AMELY: variants seen among roughly 807,000 people sequenced by gnomAD.
The protein encoded by AMELY is amelogenin Y-linked.
AMELY carries 4 observed loss-of-function variants against 4.2 expected under a neutral mutation model. That is an observed-to-expected ratio of 0.96 (90% confidence interval 0.47 to 2.19). The LOEUF (loss-of-function observed/expected upper bound fraction) is 2.19. Among genes scored for constraint, AMELY ranks in the 30% most tolerant of loss-of-function variants. The pLI is 0.02. For synonymous variants in AMELY, 11 were observed against 14.7 expected, an observed-to-expected ratio of 0.75 and a Z score of 0.57; for missense variants, 32 against 41.5, an observed-to-expected ratio of 0.77 and a Z score of 0.63.
intron 1 of AMELY, among the ~76,000 whole-genome samples, chrY:6,883,407 C>T: frequency 9.5e-5 from 3 of 31,693 alleles, no homozygotes; most frequent in Middle Eastern, 0.014. Context: ...AAACACAGGA[C>T]ACAGGGAGGG....
At chrY:6,888,561 C>T (rs2054081334) in intron 1 of AMELY, among the ~76,000 whole-genome samples, 1 of 32,474 alleles carries the variant, frequency 3.1e-5, no homozygotes, top group Non-Finnish European at 7.5e-5. Context: ...AATTAAAACT[C>T]GATGGAAATA....
At chrY:6,887,306 C>T (rs2124083343) in intron 1 of AMELY, among the ~76,000 whole-genome samples, 1 of 33,064 alleles carries the variant, frequency 3.0e-5, no homozygotes, top group Non-Finnish European at 7.4e-5. Context: ...CATAATATTG[C>T]ATTTTTTGCT....
At chrY:6,880,333 A>T in intron 1 of AMELY, among the ~76,000 whole-genome samples, 1 of 33,490 alleles carries the variant, frequency 3.0e-5, no homozygotes, top group Non-Finnish European at 7.4e-5. Context: ...ACTACCACAA[A>T]AACACACTTA....
At chrY:6,883,367 T>G in intron 1 of AMELY, among the ~76,000 whole-genome samples, 2 of 32,605 alleles carry the variant, frequency 6.1e-5, no homozygotes, top group Non-Finnish European at 1.5e-4. Flanking sequence ...CATTGCATGT[T>G]CTCACACATA....
At chrY:6,904,340 C>T in intron 1 of AMELY, among the ~76,000 whole-genome samples, 1 of 33,918 alleles carries the variant, frequency 2.9e-5, no homozygotes, top group African/African-American at 1.2e-4. Flanking sequence ...TTGGCTACAG[C>T]TCATGAATCA....
intron 1 of AMELY, among the ~76,000 whole-genome samples, chrY:6,910,459 G>C: frequency 3.1e-5 from 1 of 32,332 alleles, no homozygotes; most frequent in Non-Finnish European, 7.6e-5. Context: ...GGCTGGTTCC[G>C]GATCTAAACC....
chrY:6,881,380 G>A (rs2054074895), intron 1 of AMELY, among the ~76,000 whole-genome samples: 1 of 33,126 alleles, frequency 3.0e-5, no homozygotes, highest in African/African-American at 1.2e-4. Context: ...AAAGGCCTTC[G>A]ACAAAATTCA....
chrY:6,901,606 G>A (rs1042690221), intron 1 of AMELY, among the ~76,000 whole-genome samples: 1 of 33,384 alleles, frequency 3.0e-5, no homozygotes, highest in Non-Finnish European at 7.4e-5. Flanking sequence ...TGGGAGATTG[G>A]TTGTATTAAG....
intron 1 of AMELY, among the ~76,000 whole-genome samples, chrY:6,905,288 T>A (rs916532999): frequency 3.0e-5 from 1 of 33,061 alleles, no homozygotes; most frequent in Non-Finnish European, 7.4e-5. Flanking sequence ...AAAAAGAATA[T>A]CTTGACAAGT....
At chrY:6,906,895 C>T (rs1051805095) in intron 1 of AMELY, among the ~76,000 whole-genome samples, 3 of 32,064 alleles carry the variant, frequency 9.4e-5, no homozygotes, top group African/African-American at 3.7e-4. Flanking sequence ...CCAGTAGCTG[C>T]GATTACAGGC....
intron 1 of AMELY, among the ~76,000 whole-genome samples, chrY:6,878,886 A>G: frequency 3.0e-5 from 1 of 33,312 alleles, no homozygotes; most frequent in African/African-American, 1.2e-4. Flanking sequence ...AGGTTATGAT[A>G]AGGCTTAATC....
chrY:6,885,212 A>G (rs370828627), intron 1 of AMELY, among the ~76,000 whole-genome samples: 56 of 34,110 alleles, frequency 1.6e-3, no homozygotes, highest in East Asian at 0.011. Flanking sequence ...AGATGCAGTG[A>G]CTCATGCCTG....
At chrY:6,866,189 G>A in intron 6 of AMELY, 111 bp from the exon 7 acceptor site, 1 of 99,313 alleles carries the variant, frequency 1.0e-5, no homozygotes, top group Non-Finnish European at 1.9e-5. Context: ...AACCACTTAA[G>A]TTGAACTCTA....
At chrY:6,877,981 T>A in intron 1 of AMELY, among the ~76,000 whole-genome samples, 2 of 32,701 alleles carry the variant, frequency 6.1e-5, no homozygotes, top group African/African-American at 2.4e-4. Context: ...TGTGTGTGTG[T>A]GTGTGTGTGT....
intron 1 of AMELY, among the ~76,000 whole-genome samples, chrY:6,906,966 T>G: frequency 3.1e-5 from 1 of 32,599 alleles, no homozygotes; most frequent in Non-Finnish European, 7.5e-5. Context: ...GGTTTCACCA[T>G]GTTGGCTCAT....
At chrY:6,898,734 A>G (rs2054087461) in intron 1 of AMELY, among the ~76,000 whole-genome samples, 1 of 33,404 alleles carries the variant, frequency 3.0e-5, no homozygotes, top group Non-Finnish European at 7.4e-5. Flanking sequence ...CCCCAGTGAC[A>G]CTCTTTCAGG....
At chrY:6,902,738 A>C in intron 1 of AMELY, among the ~76,000 whole-genome samples, 1 of 27,198 alleles carries the variant, frequency 3.7e-5, no homozygotes, top group South Asian at 9.2e-4. Context: ...TTTTGAGATG[A>C]ATTCTTGCTC....
At chrY:6,866,639 CTTTTTTTT>C (rs769931850) in intron 6 of AMELY, among the ~76,000 whole-genome samples, 1 of 18,592 alleles carries the variant, frequency 5.4e-5, no homozygotes, top group Non-Finnish European at 1.2e-4. Context: ...AATTTCCTTT[CTTTTTTTT>C]TTTTTTTTTT....
At chrY:6,911,611 A>C in intron 1 of AMELY, among the ~76,000 whole-genome samples, 62 bp downstream of exon 1, 1 of 31,823 alleles carries the variant, frequency 3.1e-5, no homozygotes, top group African/African-American at 1.2e-4. Flanking sequence ...TCTGGGGGCA[A>C]CCCCCCCCGC....
Sources: allele counts gnomAD v4.1 joint callset (sites outside exome capture counted in the v4.1 genomes callset), GRCh38; gene constraint gnomAD v4.1.1; transcripts MANE v1.5; gene names NCBI Gene and HGNC (gene_info 2026-07-23, HGNC 2026-07-21).